The following PTPRK variants were observed in gnomAD, a reference collection of about 807,000 sequenced individuals.
PTPRK encodes protein tyrosine phosphatase receptor type K.
In PTPRK, 75 loss-of-function variants were observed where a neutral mutation model predicts 178.0. The ratio of observed to expected loss-of-function variants is 0.42; its 90% CI spans 0.35 to 0.51. The LOEUF is 0.51. Among genes scored for constraint, PTPRK ranks in the 20% least tolerant of loss-of-function variants. PTPRK has a pLI of 0.02. For missense variants in PTPRK, 1,441 were observed against 1,797.8 expected (o/e 0.80, Z 3.59); for synonymous variants, 637 against 620.6 (o/e 1.03, Z -0.39).
chr6:128,054,365 T>C (rs1779552266), intron 13 of PTPRK, among the ~76,000 whole-genome samples: 1 of 152,244 alleles, frequency 6.6e-6, no homozygotes, highest in African/African-American at 2.4e-5. Flanking sequence ...GTAATAGTAA[T>C]AATAGCAATG....
chr6:128,035,751 C>T (rs1156521428), intron 13 of PTPRK, among the ~76,000 whole-genome samples: 1 of 152,092 alleles, frequency 6.6e-6, no homozygotes, highest in African/African-American at 2.4e-5. Flanking sequence ...CTTCTGGAGG[C>T]ATCTAGGAAA....
At chr6:128,122,519 G>A (rs146523775) in intron 7 of PTPRK, among the ~76,000 whole-genome samples, 1 of 152,216 alleles carries the variant, frequency 6.6e-6, no homozygotes, top group African/African-American at 2.4e-5. Context: ...TCTCTCTCAT[G>A]ACTTTAAACC....
chr6:128,298,138 G>C (rs547922720), intron 3 of PTPRK, among the ~76,000 whole-genome samples: 1 of 152,068 alleles, frequency 6.6e-6, no homozygotes, highest in Non-Finnish European at 1.5e-5. Flanking sequence ...TAGAAGAAAC[G>C]TATAAATTCC....
At chr6:128,361,688 A>G (rs1434205142) in intron 2 of PTPRK, among the ~76,000 whole-genome samples, 5 of 152,152 alleles carry the variant, frequency 3.3e-5, no homozygotes, top group Admixed American at 3.3e-4. Flanking sequence ...CTGCATCACA[A>G]TGGTATTTTT....
chr6:128,157,220 T>C (rs970931565), intron 7 of PTPRK, among the ~76,000 whole-genome samples: 2 of 152,034 alleles, frequency 1.3e-5, no homozygotes, highest in African/African-American at 4.8e-5. Flanking sequence ...TGTCTGAGCA[T>C]AGGCTATTGA....
intron 13 of PTPRK, among the ~76,000 whole-genome samples, chr6:128,010,519 C>T (rs2114723285): frequency 6.6e-6 from 1 of 151,406 alleles, no homozygotes; most frequent in East Asian, 1.9e-4. Context: ...TAGTTCTATA[C>T]ATCCAAGTAT....
chr6:128,032,365 C>G (rs1775487774), intron 13 of PTPRK, among the ~76,000 whole-genome samples: 1 of 152,144 alleles, frequency 6.6e-6, no homozygotes, highest in Non-Finnish European at 1.5e-5. Context: ...GCTGCCTGCA[C>G]TAGTTTAGCC....
intron 7 of PTPRK, among the ~76,000 whole-genome samples, chr6:128,122,855 T>G (rs535169753): frequency 6.6e-6 from 1 of 152,280 alleles, no homozygotes; most frequent in Admixed American, 6.5e-5. Flanking sequence ...AATAATATAC[T>G]CAATTGTACT....
At chr6:128,097,679 G>A (rs936760041) in intron 7 of PTPRK, among the ~76,000 whole-genome samples, 5 of 151,986 alleles carry the variant, frequency 3.3e-5, no homozygotes, top group South Asian at 2.1e-4. Flanking sequence ...AATCCACTTC[G>A]ATTCATCTCT....
chr6:128,457,312 T>C lies in PTPRK; in HGVS notation c.101-59624A>G, dbSNP rs141297362. Among the ~76,000 whole-genome samples, 1,372 of 152,266 alleles carry C rather than the reference T, an allele frequency of 9.0e-3. 22 individuals carry two copies. The highest frequency in any genetic ancestry group is 0.031 in the African/African-American group (1,292 of 41,566). ...CCATATTCTTTTATTCACTTGATTA[T>C]GTTTTCTTGCTTGTTGCATCACTTT... is the stretch of plus-strand genomic sequence containing the variant. On this transcript the variant is annotated intron_variant, in intron 1 of 29. Coordinates refer to ENST00000368226, the MANE Select transcript of PTPRK (RefSeq NM_002844.4).
At chr6:128,031,869 C>G (rs955413076) in intron 13 of PTPRK, among the ~76,000 whole-genome samples, 1 of 152,144 alleles carries the variant, frequency 6.6e-6, no homozygotes, top group South Asian at 2.1e-4. Context: ...CTGGAACGGT[C>G]CAGTGACCTG....
chr6:128,493,434 C>T (rs553724223), intron 1 of PTPRK, among the ~76,000 whole-genome samples: 127 of 151,778 alleles, frequency 8.4e-4, no homozygotes, highest in African/African-American at 2.2e-3. Flanking sequence ...TGGTGGCAGG[C>T]GCCTGTAGTC....
intron 2 of PTPRK, among the ~76,000 whole-genome samples, chr6:128,381,470 G>A (rs1295173782): frequency 6.6e-6 from 1 of 151,996 alleles, no homozygotes; most frequent in Non-Finnish European, 1.5e-5. Context: ...ATGAGAAAGT[G>A]CAATTTATTC....
chr6:128,186,708 T>C (rs1313961590), intron 6 of PTPRK, among the ~76,000 whole-genome samples: 1 of 152,242 alleles, frequency 6.6e-6, no homozygotes, highest in East Asian at 1.9e-4. Flanking sequence ...TTTCATACCA[T>C]GAAATTTTAC....
chr6:128,015,901 C>T (rs1166188900), intron 13 of PTPRK, among the ~76,000 whole-genome samples: 1 of 151,784 alleles, frequency 6.6e-6, no homozygotes, highest in Non-Finnish European at 1.5e-5. Flanking sequence ...TTATATCTTA[C>T]CACTTTGTAT....
chr6:128,419,339 G>C (rs949975014), intron 1 of PTPRK, among the ~76,000 whole-genome samples: 8 of 152,172 alleles, frequency 5.3e-5, no homozygotes, highest in African/African-American at 1.7e-4. Flanking sequence ...GCGGCCGGGC[G>C]CGGTGGCTCA....
chr6:128,383,321 G>GA (rs966689369), intron 2 of PTPRK, among the ~76,000 whole-genome samples: 14 of 150,160 alleles, frequency 9.3e-5, no homozygotes, highest in African/African-American at 2.2e-4. Flanking sequence ...GTAACATGCA[G>GA]AAAAAAAAAC....
intron 1 of PTPRK, among the ~76,000 whole-genome samples, chr6:128,496,656 G>A (rs1339416860): frequency 6.6e-6 from 1 of 152,138 alleles, no homozygotes; most frequent in Admixed American, 6.6e-5. Flanking sequence ...TTGATCATTA[G>A]TAACAACATA....
At chr6:128,107,498 A>G (rs1417021326) in intron 7 of PTPRK, among the ~76,000 whole-genome samples, 1 of 152,208 alleles carries the variant, frequency 6.6e-6, no homozygotes, top group Non-Finnish European at 1.5e-5. Context: ...CCAAAGCTGT[A>G]TAATGTAAAA....
Sources: allele counts gnomAD v4.1 joint callset (sites outside exome capture counted in the v4.1 genomes callset), GRCh38; gene constraint gnomAD v4.1.1; transcripts MANE v1.5; gene names NCBI Gene and HGNC (gene_info 2026-07-23, HGNC 2026-07-21).